The following ARMC8 variants were observed in gnomAD, a reference collection of about 807,000 sequenced individuals.
The protein encoded by ARMC8 is armadillo repeat containing 8.
A neutral mutation model predicts 99.3 loss-of-function variants in ARMC8; 20 were observed. The ratio of observed to expected loss-of-function variants is 0.20; its 90% CI spans 0.14 to 0.29. The LOEUF (loss-of-function observed/expected upper bound fraction) is 0.29, where lower values mean the gene tolerates loss of function less well. ARMC8 is among the 10% of genes least tolerant of loss of function. The pLI is 1.00. For missense variants in ARMC8, 569 were observed against 809.5 expected (o/e 0.70, Z 3.60); for synonymous variants, 263 against 278.3 (o/e 0.95, Z 0.55).
intron 19 of ARMC8, 34 bp from the exon 20 acceptor site, chr3:138,289,014 A>G: frequency 6.4e-7 from 1 of 1,566,434 alleles, no homozygotes; most frequent in Non-Finnish European, 8.7e-7. Context: ...GATTACCACC[A>G]TTTTGATTTT....
chr3:138,241,751 A>G (rs779629037), intron 10 of ARMC8, 32 bp from the exon 11 acceptor site: 16 of 1,607,702 alleles, frequency 1.0e-5, no homozygotes, highest in Admixed American at 6.7e-5. Flanking sequence ...ACCTTTACCA[A>G]AAAGCAAATA....
At chr3:138,235,298 C>A (rs570743276) in intron 7 of ARMC8, among the ~76,000 whole-genome samples, 184 bp downstream of exon 7, 1 of 150,942 alleles carries the variant, frequency 6.6e-6, no homozygotes, top group Non-Finnish European at 1.5e-5. Context: ...GCTGCCCTTG[C>A]ATCTCTTTTT....
chr3:138,219,942 G>A (rs1170357194), intron 2 of ARMC8, among the ~76,000 whole-genome samples: 2 of 152,162 alleles, frequency 1.3e-5, no homozygotes, highest in Non-Finnish European at 2.9e-5. Context: ...GTTAGGGACC[G>A]CTCATTTCTG....
At chr3:138,217,229 TG>T (rs1371186634) in intron 2 of ARMC8, among the ~76,000 whole-genome samples, 1 of 152,184 alleles carries the variant, frequency 6.6e-6, no homozygotes, top group Non-Finnish European at 1.5e-5. Context: ...AAGCGAAGCA[TG>T]ACTGTAATTG....
At chr3:138,261,718 A>G (rs1363495487) in intron 12 of ARMC8, 1 of 152,208 alleles carries the variant, frequency 6.6e-6, no homozygotes, top group East Asian at 1.9e-4. Context: ...GAGAGGTAGG[A>G]CAGAGTAAAG....
At chr3:138,240,284 T>A (rs1325010609) in intron 10 of ARMC8, among the ~76,000 whole-genome samples, 1 of 152,226 alleles carries the variant, frequency 6.6e-6, no homozygotes, top group Non-Finnish European at 1.5e-5. Flanking sequence ...GATCTCACAT[T>A]ATCATTGTTC....
intron 12 of ARMC8, chr3:138,245,405 C>G (rs572637630): frequency 7.2e-7 from 1 of 1,385,040 alleles, no homozygotes; most frequent in Non-Finnish European, 9.3e-7. Context: ...TGACAAATAA[C>G]TGGCGTGCTT....
At chr3:138,195,484 CAG>C (rs1442577402) in intron 1 of ARMC8, among the ~76,000 whole-genome samples, 1 of 152,084 alleles carries the variant, frequency 6.6e-6, no homozygotes, top group African/African-American at 2.4e-5. Flanking sequence ...TGCAAAGAAT[CAG>C]AAACACATTT....
intron 1 of ARMC8, chr3:138,188,628 A>T: frequency 6.8e-7 from 1 of 1,478,636 alleles, no homozygotes; most frequent in Non-Finnish European, 9.4e-7. Flanking sequence ...TGATACTGAG[A>T]GGGTAGTTGG....
chr3:138,248,854 A>T (rs1029648146), intron 12 of ARMC8, among the ~76,000 whole-genome samples: 2 of 152,242 alleles, frequency 1.3e-5, no homozygotes, highest in Non-Finnish European at 2.9e-5. Context: ...TTTATTTTTG[A>T]TAAAAGTAAA....
At chr3:138,237,198 A>T in intron 7 of ARMC8, 111 bp from the exon 8 acceptor site, 1 of 868,272 alleles carries the variant, frequency 1.2e-6, no homozygotes, top group Non-Finnish European at 1.8e-6. Flanking sequence ...GAGGCCTGTT[A>T]GTATTTTAAG....
Position 138,264,757 on chromosome 3 carries a change from A to G in ARMC8, c.1299+545A>G, listed in dbSNP as rs6788103. 7.0e-3 allele frequency among the ~76,000 whole-genome samples: 1,039 copies of G among 148,318 alleles called. 9 individuals are homozygous for G. Among genetic ancestry groups the G allele is most frequent in the African/African-American group, 0.024 (995 of 41,296 alleles). ...TTTATTAACTAAGCTTTAGTTACTCATCTGATCTCCCTATTTGTTTAATAT... is the reference window on the plus strand; with the variant it reads ...TTTATTAACTAAGCTTTAGTTACTCGTCTGATCTCCCTATTTGTTTAATAT... On this transcript the variant is annotated intron_variant, in intron 14 of 21. Coordinates refer to ENST00000469044, the MANE Select transcript of ARMC8 (RefSeq NM_001363941.2).
intron 2 of ARMC8, among the ~76,000 whole-genome samples, chr3:138,210,498 C>G (rs2044631433): frequency 6.6e-6 from 1 of 152,046 alleles, no homozygotes; most frequent in Non-Finnish European, 1.5e-5. Context: ...TATTCCCTTT[C>G]CTTTGAGTTT....
chr3:138,192,690 AC>A (rs1290590886), intron 1 of ARMC8, among the ~76,000 whole-genome samples: 2 of 152,110 alleles, frequency 1.3e-5, no homozygotes, highest in East Asian at 3.9e-4. Context: ...AGCTGGGACT[AC>A]AGGTGTGTGC....
chr3:138,241,096 A>G (rs2046594438), intron 10 of ARMC8, among the ~76,000 whole-genome samples: 1 of 152,230 alleles, frequency 6.6e-6, no homozygotes, highest in African/African-American at 2.4e-5. Flanking sequence ...ATTTTTATTG[A>G]GAACCTAATG....
intron 14 of ARMC8, among the ~76,000 whole-genome samples, chr3:138,265,866 T>C (rs2108275418): frequency 6.6e-6 from 1 of 152,222 alleles, no homozygotes. Context: ...AGTATATGAT[T>C]TATGTGTTGA....
intron 7 of ARMC8, among the ~76,000 whole-genome samples, 159 bp downstream of exon 7, chr3:138,235,273 A>T (rs1194968645): frequency 2.2e-5 from 3 of 135,112 alleles, no homozygotes; most frequent in Non-Finnish European, 4.8e-5. Context: ...AATGCTCTTT[A>T]AAAAAAAAAA....
At chr3:138,258,765 A>C (rs1219078540) in intron 12 of ARMC8, among the ~76,000 whole-genome samples, 1 of 152,206 alleles carries the variant, frequency 6.6e-6, no homozygotes, top group African/African-American at 2.4e-5. Flanking sequence ...ATTGACCTAA[A>C]GCGGTCAGTT....
chr3:138,194,754 C>T (rs917202462), intron 1 of ARMC8, among the ~76,000 whole-genome samples: 5 of 151,764 alleles, frequency 3.3e-5, no homozygotes, highest in African/African-American at 1.2e-4. Context: ...GTTGGCCTTG[C>T]CTATAGCTAC....
Sources: gnomAD v4.1 joint callset for allele counts (sites outside exome capture counted in the v4.1 genomes callset) on GRCh38, gnomAD v4.1.1 for gene constraint, MANE v1.5 for transcripts, NCBI Gene and HGNC (gene_info 2026-07-23, HGNC 2026-07-21) for gene names.